KRABD5: variants seen among roughly 807,000 people sequenced by gnomAD.
The protein encoded by KRABD5 is KRAB domain containing 5, also known as KRAB domain-containing protein 5.
At chr16:31,715,019 G>A in the KRABD5 span, among the ~76,000 whole-genome samples, 341 of 152,220 alleles carry the variant, frequency 2.2e-3, 2 homozygotes, top group Admixed American at 5.6e-3. Context: ...TTCATAGGGA[G>A]GAGCAAACAT....
chr16:31,759,136 G>T, the KRABD5 span: 1 of 420,700 alleles, frequency 2.4e-6, no homozygotes, highest in East Asian at 3.9e-5. Context: ...ATATTTATTT[G>T]CACAATATTT....
At chr16:31,715,308 T>C in the KRABD5 span, among the ~76,000 whole-genome samples, 1 of 152,232 alleles carries the variant, frequency 6.6e-6, no homozygotes, top group Non-Finnish European at 1.5e-5. Context: ...TTTGTGGCTT[T>C]GTGATACCTA....
the KRABD5 span, chr16:31,713,516 C>T: frequency 2.0e-5 from 30 of 1,527,984 alleles, no homozygotes; most frequent in Non-Finnish European, 2.5e-5. Context: ...AGGTTAGCTT[C>T]GGGGTCTGGG....
the KRABD5 span, among the ~76,000 whole-genome samples, chr16:31,721,359 T>C: frequency 6.6e-6 from 1 of 152,136 alleles, no homozygotes; most frequent in African/African-American, 2.4e-5. Flanking sequence ...TCTTCTCAGT[T>C]GTGACACCTG....
the KRABD5 span, among the ~76,000 whole-genome samples, chr16:31,730,124 T>TA: frequency 1.3e-5 from 2 of 152,192 alleles, no homozygotes; most frequent in African/African-American, 4.8e-5. Flanking sequence ...TGTTTGTAGT[T>TA]TTAATGTTTT....
At chr16:31,750,188 G>C in the KRABD5 span, among the ~76,000 whole-genome samples, 6 of 152,102 alleles carry the variant, frequency 3.9e-5, no homozygotes. Context: ...CCAGTTGTTT[G>C]TGTTGTCTAT....
the KRABD5 span, among the ~76,000 whole-genome samples, chr16:31,727,260 C>T: frequency 1.3e-5 from 2 of 152,154 alleles, no homozygotes; most frequent in Admixed American, 1.3e-4. Context: ...GATATGAGTG[C>T]CTTTTATTTC....
the KRABD5 span, chr16:31,761,556 T>A: frequency 1.5e-4 from 23 of 152,328 alleles, 1 homozygote; most frequent in South Asian, 4.6e-3. Context: ...AAATAAACAT[T>A]GATTTTCTAC....
At chr16:31,759,343 G>A in the KRABD5 span, 15 of 1,532,888 alleles carry the variant, frequency 9.8e-6, no homozygotes, top group African/African-American at 2.0e-4. Context: ...TATGTATTTT[G>A]TATTTTATTC....
At chr16:31,741,406 T>C in the KRABD5 span, among the ~76,000 whole-genome samples, 1 of 152,252 alleles carries the variant, frequency 6.6e-6, no homozygotes, top group African/African-American at 2.4e-5. Flanking sequence ...GTGACTGAGC[T>C]AATTTAATTA....
chr16:31,754,248 G>A, the KRABD5 span: 3 of 644,838 alleles, frequency 4.7e-6, no homozygotes, highest in Admixed American at 8.2e-5. Context: ...TGATCAATTT[G>A]ATGGATCTTT....
the KRABD5 span, among the ~76,000 whole-genome samples, chr16:31,717,187 G>T: frequency 6.6e-6 from 1 of 151,742 alleles, no homozygotes; most frequent in African/African-American, 2.4e-5. Context: ...GTAGAGATGG[G>T]GTTTCACCAT....
the KRABD5 span, among the ~76,000 whole-genome samples, chr16:31,740,511 T>A: frequency 3.3e-5 from 5 of 152,182 alleles, no homozygotes; most frequent in African/African-American, 9.6e-5. Context: ...TTAAGCATCT[T>A]TAAAATAGAT....
At chr16:31,723,162 G>T in the KRABD5 span, 1 of 1,312,970 alleles carries the variant, frequency 7.6e-7, no homozygotes, top group African/African-American at 1.5e-5. Context: ...AATTTTCTAG[G>T]ATCCTCTATA....
the KRABD5 span, among the ~76,000 whole-genome samples, chr16:31,731,360 A>G: frequency 7.2e-4 from 66 of 92,210 alleles, 1 homozygote; most frequent in African/African-American, 2.1e-3. Flanking sequence ...CTCTGGGAAG[A>G]CAACTTTCTT....
chr16:31,749,358 CT>C, the KRABD5 span, among the ~76,000 whole-genome samples: 1 of 152,198 alleles, frequency 6.6e-6, no homozygotes. Context: ...GGATGTTGCC[CT>C]TCCCTCACCC....
At chr16:31,727,085 T>C in the KRABD5 span, among the ~76,000 whole-genome samples, 1 of 152,252 alleles carries the variant, frequency 6.6e-6, no homozygotes, top group African/African-American at 2.4e-5. Context: ...CTCAGATCAT[T>C]AATTGTTAGT....
the KRABD5 span, among the ~76,000 whole-genome samples, chr16:31,729,108 CTT>C: frequency 1.3e-5 from 2 of 152,158 alleles, no homozygotes; most frequent in Non-Finnish European, 2.9e-5. Context: ...TGCCTGCACT[CTT>C]TTGTTTATCA....
chr16:31,738,670 T>G, the KRABD5 span, among the ~76,000 whole-genome samples: 2 of 152,130 alleles, frequency 1.3e-5, no homozygotes, highest in African/African-American at 4.8e-5. Context: ...CATTTATGTA[T>G]AAAGTAATTA....
Sources: allele counts gnomAD v4.1 joint callset (sites outside exome capture counted in the v4.1 genomes callset), GRCh38; gene constraint gnomAD v4.1.1; transcripts MANE v1.5; gene names NCBI Gene and HGNC (gene_info 2026-07-23, HGNC 2026-07-21).